The following SPOCK1 variants were observed in gnomAD, a reference collection of about 807,000 sequenced individuals.
SPOCK1 encodes testican-1.
SPOCK1 carries 23 observed loss-of-function variants against 55.3 expected under a neutral mutation model. The ratio of observed to expected loss-of-function variants is 0.42; its 90% CI spans 0.30 to 0.59. The LOEUF (loss-of-function observed/expected upper bound fraction) is 0.59. SPOCK1 is among the 20% of genes least tolerant of loss of function. SPOCK1 has a pLI of 0.22. For synonymous variants in SPOCK1, 226 were observed against 221.0 expected (o/e 1.02, Z -0.20); for missense variants, 499 against 552.5 (o/e 0.90, Z 0.97).
intron 9 of SPOCK1, among the ~76,000 whole-genome samples, chr5:136,983,534 T>C (rs1750774677): frequency 6.7e-6 from 1 of 149,266 alleles, no homozygotes; most frequent in African/African-American, 2.4e-5. Flanking sequence ...ATGCGGTCAG[T>C]AGCCCAAAAA....
chr5:137,103,543 A>G (rs1753310398), intron 5 of SPOCK1, among the ~76,000 whole-genome samples: 1 of 152,226 alleles, frequency 6.6e-6, no homozygotes, highest in Non-Finnish European at 1.5e-5. Flanking sequence ...TGAGAATGAC[A>G]GCAGACTAAA....
chr5:137,070,854 AG>A (rs1183340388), intron 5 of SPOCK1, among the ~76,000 whole-genome samples: 4 of 152,094 alleles, frequency 2.6e-5, no homozygotes, highest in Non-Finnish European at 5.9e-5. Flanking sequence ...CCATCTCTGC[AG>A]GCAGCTCAGT....
intron 2 of SPOCK1, among the ~76,000 whole-genome samples, chr5:137,401,943 A>G (rs1371712189): frequency 6.6e-6 from 1 of 152,164 alleles, no homozygotes; most frequent in Non-Finnish European, 1.5e-5. Flanking sequence ...TTTTTACTCA[A>G]GAAAGCCTTC....
At chr5:137,227,212 G>A (rs1337050244) in intron 3 of SPOCK1, among the ~76,000 whole-genome samples, 1 of 152,170 alleles carries the variant, frequency 6.6e-6, no homozygotes, top group Admixed American at 6.5e-5. Context: ...AGTGGAGAAG[G>A]ATGCTTAATG....
chr5:137,391,536 G>GT (rs905273924), intron 2 of SPOCK1, among the ~76,000 whole-genome samples: 2 of 152,054 alleles, frequency 1.3e-5, no homozygotes, highest in African/African-American at 2.4e-5. Flanking sequence ...TGGCTCCTGT[G>GT]TAAGAAGCTG....
At chr5:136,996,655 A>G (rs1252429487) in intron 6 of SPOCK1, among the ~76,000 whole-genome samples, 1 of 152,178 alleles carries the variant, frequency 6.6e-6, no homozygotes, top group Admixed American at 6.5e-5. Context: ...TCTGTCTTAC[A>G]AGAGGATTAT....
Position 137,489,620 on chromosome 5 carries a change from A to G in SPOCK1, c.186+8753T>C, listed in dbSNP as rs1754131795. Among the ~76,000 whole-genome samples, 28 of 152,358 alleles carry G rather than the reference A, an allele frequency of 1.8e-4. No individual in the cohort carries two copies. In the South Asian group the frequency reaches 5.6e-3, roughly 30 times the overall value. ...AGGAAAAGAACAGGCCATCCTTCCA[A>G]GTACTTGGGCCATCTGTGTGCCTCA... On this transcript the variant is annotated intron_variant, in intron 2 of 10. Transcript: ENST00000394945.
chr5:137,119,306 CAT>C (rs1288907277), intron 4 of SPOCK1, among the ~76,000 whole-genome samples: 2 of 152,212 alleles, frequency 1.3e-5, no homozygotes, highest in Admixed American at 6.5e-5. Flanking sequence ...AGATAGTTAA[CAT>C]AGTGGCTATT....
intron 6 of SPOCK1, among the ~76,000 whole-genome samples, chr5:136,996,464 G>A (rs1751041121): frequency 6.6e-6 from 1 of 152,182 alleles, no homozygotes; most frequent in Middle Eastern, 3.4e-3. Flanking sequence ...TCACCCTCCT[G>A]GATGGACACG....
At chr5:137,229,390 G>T (rs867407405) in intron 3 of SPOCK1, among the ~76,000 whole-genome samples, 1 of 152,118 alleles carries the variant, frequency 6.6e-6, no homozygotes, top group Admixed American at 6.6e-5. Context: ...AGGATGACTG[G>T]TACCAGAGGC....
chr5:137,193,274 G>A (rs892504476), intron 3 of SPOCK1, among the ~76,000 whole-genome samples: 26 of 152,128 alleles, frequency 1.7e-4, no homozygotes, highest in Admixed American at 1.2e-3. Context: ...GGAGGTCCAG[G>A]CAAGAGACAG....
chr5:137,097,758 T>G (rs185109470), intron 5 of SPOCK1, among the ~76,000 whole-genome samples: 33 of 152,302 alleles, frequency 2.2e-4, no homozygotes, highest in African/African-American at 7.7e-4. Flanking sequence ...GCAAAATGAA[T>G]GAAAACGGAC....
intron 3 of SPOCK1, among the ~76,000 whole-genome samples, chr5:137,148,096 T>G (rs1754239760): frequency 6.6e-6 from 1 of 152,178 alleles, no homozygotes; most frequent in African/African-American, 2.4e-5. Flanking sequence ...CAGTTTCTCC[T>G]GATTGCCCTC....
At chr5:137,353,551 T>C (rs1266753996) in intron 2 of SPOCK1, among the ~76,000 whole-genome samples, 6 of 152,106 alleles carry the variant, frequency 3.9e-5, no homozygotes, top group Non-Finnish European at 7.4e-5. Context: ...CAGAAACAAA[T>C]GTCTCTGCTC....
chr5:137,222,682 T>C (rs1755877394), intron 3 of SPOCK1, among the ~76,000 whole-genome samples: 1 of 152,208 alleles, frequency 6.6e-6, no homozygotes, highest in Non-Finnish European at 1.5e-5. Context: ...GTGGGTTTAA[T>C]CACTTTCATG....
chr5:137,132,383 C>A (rs1753902986), intron 4 of SPOCK1, among the ~76,000 whole-genome samples: 1 of 152,074 alleles, frequency 6.6e-6, no homozygotes, highest in Admixed American at 6.5e-5. Flanking sequence ...ATTATCTATT[C>A]AAAATAGGCA....
intron 2 of SPOCK1, among the ~76,000 whole-genome samples, chr5:137,437,059 C>T (rs1398594927): frequency 6.6e-6 from 1 of 152,144 alleles, no homozygotes; most frequent in African/African-American, 2.4e-5. Context: ...AGCAGACTCA[C>T]AATTGTTCTT....
At chr5:137,297,920 A>G (rs1757519089) in intron 2 of SPOCK1, among the ~76,000 whole-genome samples, 1 of 152,122 alleles carries the variant, frequency 6.6e-6, no homozygotes, top group African/African-American at 2.4e-5. Context: ...CAATTTCAAA[A>G]TCTCATCAAG....
At chr5:137,481,929 C>A (rs1753958743) in intron 2 of SPOCK1, among the ~76,000 whole-genome samples, 1 of 151,992 alleles carries the variant, frequency 6.6e-6, no homozygotes, top group Admixed American at 6.5e-5. Flanking sequence ...TCAGGAGTTA[C>A]ATTGGCAGGA....
Sources: gnomAD v4.1 joint callset for allele counts (sites outside exome capture counted in the v4.1 genomes callset) on GRCh38, gnomAD v4.1.1 for gene constraint, MANE v1.5 for transcripts, NCBI Gene and HGNC (gene_info 2026-07-23, HGNC 2026-07-21) for gene names.